The following TFDP2 variants were observed in gnomAD, a reference collection of about 807,000 sequenced individuals.
The protein encoded by TFDP2 is transcription factor Dp-2 (E2F dimerization partner 2).
TFDP2 carries 17 observed loss-of-function variants against 59.3 expected under a neutral mutation model. The observed-to-expected ratio is 0.29, with a 90% CI of 0.20 to 0.43. TFDP2 has a LOEUF of 0.43. Ranked by LOEUF, TFDP2 falls within the 20% of genes least tolerant of loss-of-function variation. The probability of loss-of-function intolerance (pLI) is 1.00; values close to 1 mark genes in which losing one functional copy is unlikely to be tolerated. For missense variants in TFDP2, 391 were observed against 528.8 expected (o/e 0.74, Z 2.56); for synonymous variants, 180 against 194.7 (o/e 0.92, Z 0.63).
chr3:142,012,973 C>T lies in TFDP2; in HGVS notation c.83-7429G>A, dbSNP rs761792236. Among the ~76,000 whole-genome samples, 24 of 151,904 alleles carry T rather than the reference C, an allele frequency of 1.6e-4. 1 individual carries two copies. Among genetic ancestry groups the T allele is most frequent in the Non-Finnish European group, 2.6e-4 (18 of 67,990 alleles). Reference sequence around the variant, plus strand: ...TCAACATGGTGAAACCCCGTCTCTACTAAAAATACAAAAATTAGCCAGGTA... The same window carrying T: ...TCAACATGGTGAAACCCCGTCTCTATTAAAAATACAAAAATTAGCCAGGTA... On this transcript the variant is annotated intron_variant, in intron 3 of 12. Transcript: ENST00000489671.
chr3:141,984,633 T>G (rs1941881332), intron 6 of TFDP2, among the ~76,000 whole-genome samples: 1 of 152,168 alleles, frequency 6.6e-6, no homozygotes. Context: ...AGTTTCAATA[T>G]GGGATGATGA....
chr3:141,998,411 C>T (rs1328088259), intron 4 of TFDP2, among the ~76,000 whole-genome samples: 1 of 151,926 alleles, frequency 6.6e-6, no homozygotes, highest in African/African-American at 2.4e-5. Context: ...GTAGGGAGTT[C>T]GAGACCAGCC....
At chr3:141,998,102 T>C (rs1449407992) in intron 4 of TFDP2, among the ~76,000 whole-genome samples, 1 of 151,866 alleles carries the variant, frequency 6.6e-6, no homozygotes, top group Non-Finnish European at 1.5e-5. Context: ...ATTTCCTACA[T>C]GAACAAATTA....
intron 3 of TFDP2, among the ~76,000 whole-genome samples, chr3:142,079,684 C>G (rs1386239081): frequency 2.6e-5 from 4 of 152,126 alleles, no homozygotes. Context: ...CTCCAAAGCA[C>G]CCGGCAGCAG....
intron 1 of TFDP2, among the ~76,000 whole-genome samples, chr3:142,115,289 T>C (rs1339566455): frequency 1.3e-5 from 2 of 151,762 alleles, no homozygotes; most frequent in East Asian, 3.9e-4. Context: ...TAAATATCCT[T>C]GCACAGAGCT....
chr3:142,023,608 G>A (rs1362535859), intron 3 of TFDP2, among the ~76,000 whole-genome samples: 2 of 152,112 alleles, frequency 1.3e-5, no homozygotes, highest in South Asian at 2.1e-4. Context: ...AGAGGGGATC[G>A]TTGTTTTATA....
At chr3:142,069,068 A>T (rs1252334198) in intron 3 of TFDP2, among the ~76,000 whole-genome samples, 2 of 151,760 alleles carry the variant, frequency 1.3e-5, no homozygotes, top group Non-Finnish European at 2.9e-5. Context: ...GGCGCACACC[A>T]CCATGCCTGG....
At chr3:142,092,796 A>C (rs1433210123) in intron 3 of TFDP2, among the ~76,000 whole-genome samples, 1 of 152,222 alleles carries the variant, frequency 6.6e-6, no homozygotes, top group East Asian at 1.9e-4. Flanking sequence ...AAATCAAGAA[A>C]AAAGTGGTCT....
chr3:141,973,093 G>GTATATATATATATATATATA (rs1553761666), intron 8 of TFDP2, among the ~76,000 whole-genome samples: 1 of 103,166 alleles, frequency 9.7e-6, no homozygotes, highest in African/African-American at 3.6e-5. Flanking sequence ...AAAGCTATGT[G>GTATATATATATATATATATA]TATATATATA....
chr3:142,093,139 C>G lies in TFDP2; in HGVS notation c.16-12G>C. The G allele has an allele frequency of 6.6e-7, 1 of 1,525,456 alleles. No individual in the cohort carries two copies. The highest frequency in any genetic ancestry group is 8.8e-7 in the Non-Finnish European group (1 of 1,142,512). The allele number at this position is 1,525,456 out of a possible 1,614,324, so 94.5% of individuals were successfully genotyped here. A position where few individuals can be genotyped will look rare whatever the true frequency, so the allele number is the denominator to read the frequency against. On this transcript the variant is annotated splice_polypyrimidine_tract_variant and intron_variant, in intron 2 of 12. Coordinates refer to ENST00000489671, the MANE Select transcript of TFDP2 (RefSeq NM_001178139.2). ...GAAGTCAAACCAACCTGAATAAAAC[C>G]GTTTAAAAAGTTAAAAATAGAATAT...
Position 142,138,359 on chromosome 3 carries a change from T to C in TFDP2, c.-93+10824A>G, listed in dbSNP as rs368469778. Among the ~76,000 whole-genome samples the C allele has an allele frequency of 6.5e-4, 99 of 152,324 alleles. 1 individual carries two copies. The South Asian group carries it at 0.02, about 31-fold the overall frequency. ...TTGATTTTTTGAAGAGTTTTTTGTG[T>C]CTCTATCTCCTTCAGTTCTGCTCTG... On this transcript the variant is annotated intron_variant, in intron 1 of 12. Coordinates refer to ENST00000489671, the MANE Select transcript of TFDP2 (RefSeq NM_001178139.2).
chr3:142,037,852 T>G (rs1318184630), intron 3 of TFDP2, among the ~76,000 whole-genome samples: 1 of 152,218 alleles, frequency 6.6e-6, no homozygotes, highest in Non-Finnish European at 1.5e-5. Flanking sequence ...ACTATACAGT[T>G]GTGTCATATT....
intron 1 of TFDP2, among the ~76,000 whole-genome samples, chr3:142,131,493 T>C (rs766377657): frequency 2.0e-5 from 3 of 149,754 alleles, no homozygotes; most frequent in Non-Finnish European, 4.4e-5. Flanking sequence ...AATGCGAGAG[T>C]ACACCCTGTC....
intron 7 of TFDP2, among the ~76,000 whole-genome samples, chr3:141,977,089 C>CATATATATATATATATAT: frequency 9.0e-6 from 1 of 110,940 alleles, no homozygotes; most frequent in African/African-American, 4.2e-5. Flanking sequence ...CAGTCATAGC[C>CATATATATATATATATAT]ATATATATAT....
intron 3 of TFDP2, among the ~76,000 whole-genome samples, chr3:142,065,154 AT>A (rs10711434): frequency 0.89 from 131,282 of 148,128 alleles, 58,343 homozygotes; most frequent in African/African-American, 0.97. Context: ...GATCATTAAG[AT>A]TTTTTTTTTT....
At chr3:142,012,862 G>A (rs1343674863) in intron 3 of TFDP2, among the ~76,000 whole-genome samples, 1 of 152,060 alleles carries the variant, frequency 6.6e-6, no homozygotes, top group African/African-American at 2.4e-5. Flanking sequence ...ACTGTTGCCA[G>A]GCGCGGTGGC....
chr3:142,107,938 T>C (rs2061529584), intron 1 of TFDP2, among the ~76,000 whole-genome samples: 1 of 152,196 alleles, frequency 6.6e-6, no homozygotes, highest in African/African-American at 2.4e-5. Flanking sequence ...TAAAATCTCA[T>C]ATAGGACATA....
rs149633673 is a variant in TFDP2 at position 142,091,290 on chromosome 3, C to A, written c.82+1771G>T. 3.9e-3 allele frequency among the ~76,000 whole-genome samples: 594 copies of A among 152,262 alleles called. 7 individuals carry two copies. The highest frequency in any genetic ancestry group is 0.014 in the African/African-American group (570 of 41,552). On this transcript the variant is annotated intron_variant, in intron 3 of 12. Coordinates refer to ENST00000489671, the MANE Select transcript of TFDP2 (RefSeq NM_001178139.2). The stretch of plus-strand genomic sequence containing the variant: ...GTATCTCTTAAATGGCCTCATAATA[C>A]ATACCTTAACTCTCAGAATCATTCC...
At position 142,092,692 on chromosome 3, in the gene TFDP2, C is replaced by T. The variant is rs530221223; in HGVS notation, c.82+369G>A. Among the ~76,000 whole-genome samples, 13 of 152,286 alleles carry T rather than the reference C, an allele frequency of 8.5e-5. 1 individual carries two copies. The South Asian group carries it at 2.5e-3, about 29-fold the overall frequency. ...AGTCAAAGAAATACACACATACACA[C>T]GTATATAAAATATACAAAACACATA... On this transcript the variant is annotated intron_variant, in intron 3 of 12. Coordinates refer to ENST00000489671, the MANE Select transcript of TFDP2 (RefSeq NM_001178139.2).
Sources: gnomAD v4.1 joint callset for allele counts (sites outside exome capture counted in the v4.1 genomes callset) on GRCh38, gnomAD v4.1.1 for gene constraint, MANE v1.5 for transcripts, NCBI Gene and HGNC (gene_info 2026-07-23, HGNC 2026-07-21) for gene names.